The following GPALPP1 variants were observed in gnomAD, a reference collection of about 807,000 sequenced individuals.
The protein encoded by GPALPP1 is GPALPP motifs-containing protein 1.
In GPALPP1, 30 loss-of-function variants were observed where a neutral mutation model predicts 38.9. The ratio of observed to expected loss-of-function variants is 0.77; its 90% confidence interval spans 0.58 to 1.05. The LOEUF (loss-of-function observed/expected upper bound fraction) is 1.05. GPALPP1 is among the 50% of genes least tolerant of loss of function. GPALPP1 has a pLI of 0.00. For missense variants in GPALPP1, 384 were observed against 408.8 expected, an observed-to-expected ratio of 0.94 and a Z score of 0.52; for synonymous variants, 120 against 139.2, an observed-to-expected ratio of 0.86 and a Z score of 0.97.
chr13:44,994,762 T>TTTG (rs1001730342), intron 1 of GPALPP1, among the ~76,000 whole-genome samples: 3 of 152,200 alleles, frequency 2.0e-5, no homozygotes, highest in Non-Finnish European at 2.9e-5. Context: ...TTCGTGGTTT[T>TTTG]TTGTTGTTGT....
intron 1 of GPALPP1, among the ~76,000 whole-genome samples, chr13:45,002,612 A>G (rs1873780351): frequency 6.6e-6 from 1 of 152,226 alleles, no homozygotes; most frequent in African/African-American, 2.4e-5. Flanking sequence ...GGTTGAAACT[A>G]TTATTAACCT....
chr13:45,015,235 G>A (rs916778938), intron 5 of GPALPP1, 152 bp downstream of exon 5: 10 of 625,126 alleles, frequency 1.6e-5, no homozygotes, highest in Non-Finnish European at 2.6e-5. Context: ...AACTCTAAAA[G>A]AAAAATAACA....
At chr13:45,035,752 T>C (rs1382691190) in exon 8 of GPALPP1, 3 of 152,268 alleles carry the variant, frequency 2.0e-5, no homozygotes, top group Non-Finnish European at 2.9e-5. Flanking sequence ...TAGGAGTTCA[T>C]TTAAATGCAG....
At chr13:44,996,608 G>C (rs188927138) in intron 1 of GPALPP1, among the ~76,000 whole-genome samples, 1 of 151,506 alleles carries the variant, frequency 6.6e-6, no homozygotes, top group Non-Finnish European at 1.5e-5. Flanking sequence ...TCAGCCTCCT[G>C]ACTAGCTGAA....
intron 1 of GPALPP1, among the ~76,000 whole-genome samples, chr13:44,995,683 G>A (rs575883780): frequency 2.0e-5 from 3 of 152,152 alleles, no homozygotes; most frequent in Admixed American, 1.3e-4. Context: ...CAGCACAATT[G>A]GTCACCCTAT....
chr13:45,008,066 T>C (rs1874222575), intron 3 of GPALPP1, among the ~76,000 whole-genome samples: 1 of 152,126 alleles, frequency 6.6e-6, no homozygotes, highest in South Asian at 2.1e-4. Context: ...GCTCAGCCAC[T>C]TACTAATTGT....
chr13:44,999,820 C>T (rs549003533), intron 1 of GPALPP1, among the ~76,000 whole-genome samples: 16 of 152,258 alleles, frequency 1.1e-4, no homozygotes, highest in Admixed American at 9.2e-4. Context: ...CCTCATGATC[C>T]GCCTGCCTTG....
In GPALPP1 at chr13:45,008,816, G is replaced by C; in HGVS notation, c.345G>C (p.Leu115Phe). The change falls in exon 4 of 8, where the codon TTG becomes TTC. Residue 115 changes from leucine to phenylalanine, a missense_variant. Coordinates refer to ENST00000379151, the MANE Select transcript of GPALPP1 (RefSeq NM_018559.5). ...SPPRPIIGPA[L>F]PPGFIKSTQK... ...TCAGGCCCATAATAGGTCCTGCATTGCCACCTGGTTTCATTAAATCTACAC... is the reference window on the plus strand; with the variant it reads ...TCAGGCCCATAATAGGTCCTGCATTCCCACCTGGTTTCATTAAATCTACAC... The C allele has an allele frequency of 6.3e-7, 1 of 1,590,932 alleles. No individual in the cohort carries two copies.
chr13:45,004,449 A>G lies in GPALPP1; in HGVS notation c.221+12A>G. ...GGTCCAACTGCAAGGTCAGTCATTT[A>G]ATTAAATTAAATGATAGACCAAACT... is the stretch of plus-strand genomic sequence containing the variant. On this transcript the variant is annotated intron_variant, in intron 2 of 7. Transcript: ENST00000379151. 1 of 1,596,450 alleles carries G rather than the reference A, an allele frequency of 6.3e-7. No individual in the cohort carries two copies. Among genetic ancestry groups the G allele is most frequent in the Non-Finnish European group, 8.6e-7 (1 of 1,164,892 alleles).
rs1366294247 is a variant in GPALPP1, at chr13:45,028,466, T to C, written c.*463T>C. The C allele has an allele frequency of 6.5e-6, 1 of 153,802 alleles. No individual in the cohort carries two copies. Among genetic ancestry groups the C allele is most frequent in the African/African-American group, 2.4e-5 (1 of 41,472 alleles). The allele number at this position is 153,802 out of a possible 1,614,324, so 9.5% of individuals were successfully genotyped here. On this transcript the variant is annotated 3_prime_UTR_variant, in exon 8 of 8. Coordinates refer to ENST00000379151, the MANE Select transcript of GPALPP1 (RefSeq NM_018559.5). Reference sequence around the variant, plus strand: ...ATCTGACAAGGGTTCAGAATGGTGATTAAGAAATTACATAAAGCTGGGTGC... The same window carrying C: ...ATCTGACAAGGGTTCAGAATGGTGACTAAGAAATTACATAAAGCTGGGTGC...
chr13:45,013,446 A>C (rs1874616577), intron 4 of GPALPP1, among the ~76,000 whole-genome samples: 1 of 152,266 alleles, frequency 6.6e-6, no homozygotes, highest in Non-Finnish European at 1.5e-5. Context: ...TTTATTTCAC[A>C]AAAATTGTGT....
chr13:45,012,281 A>T (rs1262883716), intron 4 of GPALPP1, among the ~76,000 whole-genome samples: 1 of 152,116 alleles, frequency 6.6e-6, no homozygotes, highest in Non-Finnish European at 1.5e-5. Flanking sequence ...TGGCAAGGAA[A>T]TTTGCTTCTG....
intron 7 of GPALPP1, among the ~76,000 whole-genome samples, chr13:45,023,238 T>C (rs1875551119): frequency 6.6e-6 from 1 of 151,766 alleles, no homozygotes; most frequent in Non-Finnish European, 1.5e-5. Context: ...TTTATTATTT[T>C]ATTATATTTT....
chr13:45,000,143 G>A (rs1050477368), intron 1 of GPALPP1, among the ~76,000 whole-genome samples: 5 of 152,156 alleles, frequency 3.3e-5, no homozygotes, highest in Non-Finnish European at 7.3e-5. Context: ...AGCACCAGGT[G>A]TGGTGGCTCA....
intron 1 of GPALPP1, among the ~76,000 whole-genome samples, chr13:45,003,496 A>C (rs552365358): frequency 6.6e-6 from 1 of 152,374 alleles, no homozygotes; most frequent in Non-Finnish European, 1.5e-5. Context: ...TCTTTTAAAA[A>C]TACATAGATT....
chr13:44,989,721 G>A lies in GPALPP1; in HGVS notation c.67G>A (p.Glu23Lys), dbSNP rs1872630395. ...CAAGGCCCGCGGAACAGCGGAGGAC[G>A]AAGAGCGGGACCCGAGCCCTGGTAA... ...GFKARGTAED[E>K]ERDPSPVAGP... Residue 23 changes from glutamate to lysine, a missense_variant, in exon 1 of 8, where the codon GAA (glutamate) becomes AAA (lysine). Coordinates refer to ENST00000379151, the MANE Select transcript of GPALPP1 (RefSeq NM_018559.5). 2 of 1,609,798 alleles carry A rather than the reference G, an allele frequency of 1.2e-6. No homozygotes were observed. Among genetic ancestry groups the A allele is most frequent in the East Asian group, 2.2e-5 (1 of 44,868 alleles).
intron 7 of GPALPP1, among the ~76,000 whole-genome samples, chr13:45,021,987 C>T (rs1447136805): frequency 1.3e-5 from 2 of 151,948 alleles, no homozygotes; most frequent in Non-Finnish European, 2.9e-5. Flanking sequence ...TCTTAATAGC[C>T]TCAAAAAAAC....
chr13:45,001,520 C>G (rs1435490081), intron 1 of GPALPP1, among the ~76,000 whole-genome samples: 2 of 152,092 alleles, frequency 1.3e-5, no homozygotes, highest in African/African-American at 2.4e-5. Flanking sequence ...CCAGCCTTCT[C>G]CATATTAGAG....
At chr13:45,012,610 T>C (rs1874559543) in intron 4 of GPALPP1, among the ~76,000 whole-genome samples, 1 of 152,200 alleles carries the variant, frequency 6.6e-6, no homozygotes, top group African/African-American at 2.4e-5. Context: ...ATGAGTAGCT[T>C]ACATCGTTTC....
Sources: allele counts gnomAD v4.1 joint callset (sites outside exome capture counted in the v4.1 genomes callset), GRCh38; gene constraint gnomAD v4.1.1; transcripts MANE v1.5; gene names NCBI Gene and HGNC (gene_info 2026-07-23, HGNC 2026-07-21).